Variants in GNL2 observed in about 807,000 individuals in gnomAD.
GNL2 encodes the protein nucleolar GTP-binding protein 2.
GNL2 carries 51 observed loss-of-function variants against 92.3 expected under a neutral mutation model. The observed-to-expected ratio is 0.55, with a 90% CI of 0.44 to 0.70. The LOEUF (loss-of-function observed/expected upper bound fraction) is 0.70, where lower values mean the gene tolerates loss of function less well. GNL2 is among the 30% of genes least tolerant of loss of function. GNL2 has a pLI of 0.00. For missense variants in GNL2, 844 were observed against 895.6 expected (o/e 0.94, Z 0.74); for synonymous variants, 283 against 300.6 (o/e 0.94, Z 0.61).
Position 37,591,927 on chromosome 1 carries a change from T to C in GNL2, c.244+785A>G, listed in dbSNP as rs575560259. On this transcript the variant is annotated intron_variant, in intron 3 of 15. Transcript: ENST00000373062. ...AATAACTTGCCCACTGGCACATAAATGACAGAACTAGAATTCAAACCCAGG... is the reference window on the plus strand; with the variant it reads ...AATAACTTGCCCACTGGCACATAAACGACAGAACTAGAATTCAAACCCAGG... Among the ~76,000 whole-genome samples, 3 of 152,334 alleles carry C rather than the reference T, an allele frequency of 2.0e-5. No individual in the cohort carries two copies. In the East Asian group the frequency reaches 5.8e-4, roughly 29 times the overall value.
At chr1:37,578,734 A>G (rs911131726) in intron 8 of GNL2, among the ~76,000 whole-genome samples, 1 of 151,820 alleles carries the variant, frequency 6.6e-6, no homozygotes, top group Non-Finnish European at 1.5e-5. Context: ...ATTTTTTTCT[A>G]TCTTTTGTAG....
In GNL2 at chr1:37,567,110, C is replaced by T. The variant is rs1219535358; in HGVS notation, c.2044-103G>A. 17 of 1,225,014 alleles carry T rather than the reference C, an allele frequency of 1.4e-5. No homozygotes were observed. The East Asian group carries it at 2.7e-4, about 20-fold the overall frequency. 75.9% of individuals were successfully genotyped at this position (1,225,014 alleles called of 1,614,324 possible). On this transcript the variant is annotated intron_variant, in intron 15 of 15. Transcript: ENST00000373062. ...CTTCTCATCTCTGTGTTCTATTTCC[C>T]GTGCTGCTTCCACAGCTACTGGAAG...
intron 8 of GNL2, among the ~76,000 whole-genome samples, chr1:37,577,771 C>G (rs1643701992): frequency 6.6e-6 from 1 of 152,136 alleles, no homozygotes; most frequent in Non-Finnish European, 1.5e-5. Context: ...CCAAAGCAGC[C>G]ACACTTCTCC....
Position 37,593,936 on chromosome 1 carries a change from C to T in GNL2, c.65-90G>A, listed in dbSNP as rs1643905452. 3.3e-6 allele frequency: 3 copies of T among 900,218 alleles called. No homozygotes were observed. The South Asian group carries it at 4.8e-5, about 15-fold the overall frequency. 55.8% of individuals were successfully genotyped at this position (900,218 alleles called of 1,614,324 possible). ...GCTTAAAATGCAACAAGTAGTTCAC[C>T]CAAATTAGGTAAGAAGCCACCAACC... On this transcript the variant is annotated intron_variant, in intron 1 of 15. Coordinates refer to ENST00000373062, the MANE Select transcript of GNL2 (RefSeq NM_013285.3).
intron 5 of GNL2, 88 bp from the exon 6 acceptor site, chr1:37,584,021 AC>A: frequency 2.5e-6 from 2 of 791,414 alleles, no homozygotes; most frequent in Non-Finnish European, 2.2e-6. Flanking sequence ...ACCAAAAAAA[AC>A]AGTATCAAAC....
intron 9 of GNL2, 116 bp downstream of exon 9, chr1:37,576,312 A>C (rs969828835): frequency 3.3e-6 from 3 of 904,902 alleles, no homozygotes; most frequent in Non-Finnish European, 5.1e-6. Flanking sequence ...TGGTGAGCTA[A>C]ACTCCTAGTG....
chr1:37,584,225 G>T (rs1466959139), intron 5 of GNL2, among the ~76,000 whole-genome samples: 2 of 152,090 alleles, frequency 1.3e-5, no homozygotes, highest in Non-Finnish European at 1.5e-5. Flanking sequence ...AAGGAGGGCA[G>T]ACTGCTTGAG....
chr1:37,568,393 A>G (rs536460647), intron 13 of GNL2, 36 bp from the exon 14 acceptor site: 4 of 1,355,792 alleles, frequency 3.0e-6, no homozygotes, highest in Admixed American at 3.4e-5. Flanking sequence ...TCCTCCTCTC[A>G]CTCGCCCGAA....
At chr1:37,570,143 G>A (rs1206577628) in intron 12 of GNL2, 2 of 152,200 alleles carry the variant, frequency 1.3e-5, no homozygotes, top group Non-Finnish European at 2.9e-5. Flanking sequence ...TGCAGCAAGT[G>A]TTGGTAGGTA....
intron 5 of GNL2, among the ~76,000 whole-genome samples, chr1:37,585,638 G>A (rs374464715): frequency 5.9e-5 from 9 of 152,118 alleles, no homozygotes; most frequent in African/African-American, 1.9e-4. Context: ...ATTCAAATCG[G>A]CAGAATACAA....
chr1:37,569,567 A>G, intron 12 of GNL2: 1 of 377,380 alleles, frequency 2.6e-6, no homozygotes, highest in Non-Finnish European at 4.8e-6. Context: ...CCAACCAATG[A>G]TTTATCATAG....
rs774747948 is a variant in GNL2, at chr1:37,590,698, C to T, written c.384+8G>A. On this transcript the variant is annotated splice_region_variant and intron_variant, in intron 4 of 15. Transcript: ENST00000373062. Reference sequence around the variant, plus strand: ...AAATTCCATCACCAGGGATATCCTACATCTTACATGAGGCCGGATTCGATC... The same window carrying T: ...AAATTCCATCACCAGGGATATCCTATATCTTACATGAGGCCGGATTCGATC... 3 of 1,611,846 alleles carry T rather than the reference C, an allele frequency of 1.9e-6. No homozygotes were observed. Among genetic ancestry groups the T allele is most frequent in the Non-Finnish European group, 2.5e-6 (3 of 1,177,986 alleles).
At chr1:37,595,705 C>G in intron 1 of GNL2, 54 bp downstream of exon 1, 2 of 1,470,798 alleles carry the variant, frequency 1.4e-6, no homozygotes, top group Middle Eastern at 1.7e-4. Flanking sequence ...CTCCTCGGAG[C>G]CCTTCCCTAT....
chr1:37,569,385 C>T (rs1434300973), intron 12 of GNL2, 83 bp from the exon 13 acceptor site: 16 of 887,134 alleles, frequency 1.8e-5, no homozygotes, highest in African/African-American at 1.3e-4. Context: ...TGCTCTTAAA[C>T]AGTCCTCTTC....
At chr1:37,569,389 CCTCTT>C (rs1343862138) in intron 12 of GNL2, 87 bp from the exon 13 acceptor site, 7 of 868,314 alleles carry the variant, frequency 8.1e-6, no homozygotes, top group African/African-American at 5.1e-5. Context: ...CTTAAACAGT[CCTCTT>C]CTCAGGACTA....
At chr1:37,576,676 C>A in intron 8 of GNL2, 120 bp from the exon 9 acceptor site, 1 of 931,830 alleles carries the variant, frequency 1.1e-6, no homozygotes, top group Non-Finnish European at 1.6e-6. Context: ...ACAACTTGAT[C>A]TGAAGCCTAG....
At chr1:37,581,940 G>C (rs986154579) in intron 8 of GNL2, among the ~76,000 whole-genome samples, 3 of 151,998 alleles carry the variant, frequency 2.0e-5, no homozygotes, top group African/African-American at 7.2e-5. Context: ...TGGGATTACA[G>C]GTGTGAGCCA....
chr1:37,595,860 C>T lies in GNL2; in HGVS notation c.-38G>A, dbSNP rs757514911. 2 of 1,584,276 alleles carry T rather than the reference C, an allele frequency of 1.3e-6. No individual in the cohort carries two copies. The highest frequency in any genetic ancestry group is 4.5e-5 in the East Asian group (2 of 44,754). ...ACCGGGACCGGAGTGCGAGGTCCGG[C>T]TTACGTGGTGAAACAAACTTTTATG... On this transcript the variant is annotated 5_prime_UTR_variant, in exon 1 of 16. Transcript: ENST00000373062.
In GNL2 at chr1:37,586,410, G is replaced by A. The variant is rs114148482; in HGVS notation, c.569+901C>T. Among the ~76,000 whole-genome samples, 426 of 152,182 alleles carry A rather than the reference G, an allele frequency of 2.8e-3. 3 individuals carry two copies. The highest frequency in any genetic ancestry group is 8.8e-3 in the African/African-American group (365 of 41,528). ...TACAGGTAAGCCACTGCAGCCAGCCGGTGACTGATTCTCCTTTTGAGTATG... is the reference window on the plus strand; with the variant it reads ...TACAGGTAAGCCACTGCAGCCAGCCAGTGACTGATTCTCCTTTTGAGTATG... On this transcript the variant is annotated intron_variant, in intron 5 of 15. Coordinates refer to ENST00000373062, the MANE Select transcript of GNL2 (RefSeq NM_013285.3).
Sources: gnomAD v4.1 joint callset for allele counts (sites outside exome capture counted in the v4.1 genomes callset) on GRCh38, gnomAD v4.1.1 for gene constraint, MANE v1.5 for transcripts, NCBI Gene and HGNC (gene_info 2026-07-23, HGNC 2026-07-21) for gene names.